The following ZFP2 variants were observed in gnomAD, a reference collection of about 807,000 sequenced individuals.
ZFP2 encodes the protein zinc finger protein ZFP2.
Under a neutral mutation model 36.1 loss-of-function variants are expected in ZFP2, and 33 were observed. The ratio of observed to expected loss-of-function variants is 0.92; its 90% CI spans 0.69 to 1.22. The LOEUF (loss-of-function observed/expected upper bound fraction) is 1.22, where lower values mean the gene tolerates loss of function less well. ZFP2 is among the 50% of genes most tolerant of loss of function. The pLI, the probability that ZFP2 is intolerant of heterozygous loss-of-function variation, is 0.00. For synonymous variants in ZFP2, 170 were observed against 178.0 expected, an observed-to-expected ratio of 0.96 and a Z score of 0.36; for missense variants, 522 against 551.4, an observed-to-expected ratio of 0.95 and a Z score of 0.53.
chr5:178,911,002 G>A (rs371555459), intron 1 of ZFP2, among the ~76,000 whole-genome samples: 25 of 152,108 alleles, frequency 1.6e-4, no homozygotes, highest in East Asian at 1.4e-3. Flanking sequence ...GTTATTATGC[G>A]GTCTTATTTC....
intron 1 of ZFP2, among the ~76,000 whole-genome samples, chr5:178,909,146 G>A (rs1387037466): frequency 6.4e-5 from 9 of 140,534 alleles, no homozygotes; most frequent in African/African-American, 2.1e-4. Context: ...GGCTCAGGGC[G>A]TAAAACCCCT....
rs759084011 is a variant in ZFP2 at position 178,932,590 on chromosome 5, C to T, written c.1277C>T (p.Thr426Ile). The stretch of plus-strand genomic sequence containing the variant: ...GCCTTCATTAAGAATTCATCCCTTA[C>T]AGTGCATCAGAGAACTCATACAGGA... ...GKAFIKNSSL[T>I]VHQRTHTGEK... Residue 426 changes from threonine to isoleucine, a missense_variant, in exon 5 of 5, where the codon ACA becomes ATA. Coordinates refer to ENST00000361362, the MANE Select transcript of ZFP2 (RefSeq NM_030613.4). 1 of 1,614,108 alleles carries T rather than the reference C, an allele frequency of 6.2e-7. No individual in the cohort carries two copies. Among genetic ancestry groups the T allele is most frequent in the Non-Finnish European group, 8.5e-7 (1 of 1,180,018 alleles).
intron 1 of ZFP2, among the ~76,000 whole-genome samples, chr5:178,904,571 ATATATT>A (rs1318859963): frequency 6.7e-6 from 1 of 150,238 alleles, no homozygotes; most frequent in African/African-American, 2.5e-5. Flanking sequence ...TATAGTTTAC[ATATATT>A]TATATATGAG....
chr5:178,898,705 C>T (rs1258168898), intron 1 of ZFP2, among the ~76,000 whole-genome samples: 1 of 152,218 alleles, frequency 6.6e-6, no homozygotes, highest in South Asian at 2.1e-4. Flanking sequence ...TCAAACCTCC[C>T]CCTTCCTCCT....
chr5:178,908,425 T>G (rs1217294390), intron 1 of ZFP2, among the ~76,000 whole-genome samples: 7 of 149,280 alleles, frequency 4.7e-5, no homozygotes, highest in Non-Finnish European at 1.0e-4. Context: ...CCAGCCTGGG[T>G]GACAGAGGAA....
At position 178,907,704 on chromosome 5, in the gene ZFP2, C is replaced by T. The variant is rs183396661; in HGVS notation, c.-449-4880C>T. ...AGTCAGTTGGCCGGCACACAGTTTC[C>T]CAACCACCAGGAACAGAAACTTTGG... On this transcript the variant is annotated intron_variant, in intron 1 of 4. Transcript: ENST00000361362. Among the ~76,000 whole-genome samples the T allele has an allele frequency of 3.0e-3, 456 of 151,996 alleles. 3 individuals are homozygous for T. Among genetic ancestry groups the T allele is most frequent in the African/African-American group, 0.011 (438 of 41,442 alleles).
At position 178,904,270 on chromosome 5, in the gene ZFP2, G is replaced by A. The variant is rs867584756; in HGVS notation, c.-450+8296G>A. 1.7e-4 allele frequency among the ~76,000 whole-genome samples: 26 copies of A among 152,268 alleles called. No homozygotes were observed. In the South Asian group the frequency reaches 2.3e-3, roughly 13 times the overall value. On this transcript the variant is annotated intron_variant, in intron 1 of 4. Transcript: ENST00000361362. ...GTGTTGCAGTGAGTAAGAGAGGCAA[G>A]ATCTCCTTCTCTGAGCTCTTATTTT...
At chr5:178,916,784 A>G (rs1350188363) in intron 4 of ZFP2, 74 bp downstream of exon 4, 1 of 959,462 alleles carries the variant, frequency 1.0e-6, no homozygotes, top group Non-Finnish European at 1.2e-6. Flanking sequence ...GAATCTGAAC[A>G]CATATCTTTT....
At chr5:178,926,642 G>A (rs113421376) in intron 4 of ZFP2, among the ~76,000 whole-genome samples, 12,817 of 152,088 alleles carry the variant, frequency 0.084, 679 homozygotes, top group Non-Finnish European at 0.12. Context: ...TCAGCCTCCT[G>A]AGTAGCTGGG....
intron 1 of ZFP2, among the ~76,000 whole-genome samples, chr5:178,898,843 C>T (rs1757990550): frequency 6.6e-6 from 1 of 152,222 alleles, no homozygotes; most frequent in African/African-American, 2.4e-5. Context: ...GCTGGATACC[C>T]TGGCCTGCTG....
chr5:178,932,392 G>A lies in ZFP2; in HGVS notation c.1079G>A (p.Gly360Glu), dbSNP rs751158915. 5 of 1,613,962 alleles carry A rather than the reference G, an allele frequency of 3.1e-6. No homozygotes were observed. The East Asian group carries it at 6.7e-5, about 22-fold the overall frequency. ...GEKPYECMVC[G>E]KHFTGRSSLT... is the part of the protein sequence containing the mutation. ...AAACCTTATGAGTGTATGGTGTGTG[G>A]AAAACATTTCACTGGACGATCATCC... The change falls in exon 5 of 5, where the codon GGA becomes GAA. Residue 360 changes from glycine to glutamate, a missense_variant. Transcript: ENST00000361362.
At chr5:178,896,431 C>T (rs1371320834) in intron 1 of ZFP2, among the ~76,000 whole-genome samples, 1 of 152,176 alleles carries the variant, frequency 6.6e-6, no homozygotes, top group Admixed American at 6.5e-5. Context: ...CCGCGGACAT[C>T]CCGGGGATTC....
intron 4 of ZFP2, chr5:178,922,252 A>T: frequency 9.8e-7 from 1 of 1,024,202 alleles, no homozygotes; most frequent in Non-Finnish European, 1.6e-6. Context: ...TAGTAGTGAA[A>T]CCAAATACAT....
At chr5:178,920,051 C>T (rs931854033) in intron 4 of ZFP2, among the ~76,000 whole-genome samples, 1 of 152,092 alleles carries the variant, frequency 6.6e-6, no homozygotes. Flanking sequence ...AATCTTCTGT[C>T]AAATATAAGC....
intron 4 of ZFP2, among the ~76,000 whole-genome samples, chr5:178,928,319 C>T (rs1758738641): frequency 6.6e-6 from 1 of 152,162 alleles, no homozygotes; most frequent in Admixed American, 6.5e-5. Flanking sequence ...CTCGTTCCAA[C>T]ATTAACTCAA....
In ZFP2 at chr5:178,898,625, G is replaced by A. The variant is rs57102280; in HGVS notation, c.-450+2651G>A. Among the ~76,000 whole-genome samples the A allele has an allele frequency of 3.5e-4, 54 of 152,350 alleles. No individual in the cohort carries two copies. In the East Asian group the frequency reaches 8.3e-3, roughly 23 times the overall value. ...TCCCTCCCCAAGGAAGAACCCCACA[G>A]GAAGGAAGGAGAAGGCAATGGCTGC... On this transcript the variant is annotated intron_variant, in intron 1 of 4. Transcript: ENST00000361362.
chr5:178,922,278 C>A, intron 4 of ZFP2: 2 of 971,058 alleles, frequency 2.1e-6, no homozygotes, highest in South Asian at 2.6e-5. Context: ...AAAATAAGTT[C>A]ATTATCATAC....
At chr5:178,918,807 A>G (rs1345798994) in intron 4 of ZFP2, among the ~76,000 whole-genome samples, 3 of 152,242 alleles carry the variant, frequency 2.0e-5, no homozygotes, top group African/African-American at 7.2e-5. Context: ...ACATCCAAGC[A>G]TAATGCTTTG....
At chr5:178,917,805 C>A (rs892871177) in intron 4 of ZFP2, among the ~76,000 whole-genome samples, 1 of 152,136 alleles carries the variant, frequency 6.6e-6, no homozygotes, top group African/African-American at 2.4e-5. Flanking sequence ...TCTTTGCTTT[C>A]GTTACTAGGA....
Sources: allele counts gnomAD v4.1 joint callset (sites outside exome capture counted in the v4.1 genomes callset), GRCh38; gene constraint gnomAD v4.1.1; transcripts MANE v1.5; gene names NCBI Gene and HGNC (gene_info 2026-07-23, HGNC 2026-07-21).